TCOF1: variants seen among roughly 807,000 people sequenced by gnomAD.
The protein encoded by TCOF1 is treacle protein.
A neutral mutation model predicts 149.0 loss-of-function variants in TCOF1; 33 were observed. The observed-to-expected ratio is 0.22, with a 90% CI of 0.17 to 0.30. TCOF1 has a LOEUF of 0.30. TCOF1 is among the 10% of genes least tolerant of loss of function. The pLI, the probability that TCOF1 is intolerant of heterozygous loss-of-function variation, is 1.00. For synonymous variants in TCOF1, 789 were observed against 738.8 expected, an observed-to-expected ratio of 1.07 and a Z score of -1.10; for missense variants, 1,728 against 1,840.7, an observed-to-expected ratio of 0.94 and a Z score of 1.12.
intron 17 of TCOF1, among the ~76,000 whole-genome samples, chr5:150,381,302 C>A (rs1001252468): frequency 2.0e-5 from 3 of 152,222 alleles, no homozygotes; most frequent in Non-Finnish European, 4.4e-5. Flanking sequence ...CTTTGATACA[C>A]CAAACCAACA....
rs982949567 is a variant in TCOF1 at position 150,384,799 on chromosome 5, C to T, written c.2860-3103C>T. On this transcript the variant is annotated intron_variant, in intron 17 of 26. Transcript: ENST00000643257. Reference sequence around the variant, plus strand: ...GATTGAGAGATTTTTAGTTCCTAATCCCCAGCTCACTAATTATGATTATTT... The same window carrying T: ...GATTGAGAGATTTTTAGTTCCTAATTCCCAGCTCACTAATTATGATTATTT... 1.8e-5 allele frequency: 18 copies of T among 985,482 alleles called. No homozygotes were observed. In the African/African-American group the frequency reaches 3.0e-4, roughly 16 times the overall value. The allele number at this position is 985,482 out of a possible 1,614,324, so 61.0% of individuals were successfully genotyped here. A position where few individuals can be genotyped will look rare whatever the true frequency, so the allele number is the denominator to read the frequency against.
intron 17 of TCOF1, among the ~76,000 whole-genome samples, chr5:150,382,558 T>C (rs556705567): frequency 2.0e-5 from 3 of 152,276 alleles, no homozygotes; most frequent in African/African-American, 7.2e-5. Context: ...CACCAGCATT[T>C]CCACCCAGAT....
At chr5:150,394,597 G>A (rs919097878) in intron 23 of TCOF1, 4 of 152,206 alleles carry the variant, frequency 2.6e-5, no homozygotes, top group Non-Finnish European at 4.4e-5. Context: ...CCCCAGCCTT[G>A]GTGTTCTGGG....
intron 7 of TCOF1, among the ~76,000 whole-genome samples, chr5:150,373,613 A>T (rs956466071): frequency 6.6e-6 from 1 of 152,052 alleles, no homozygotes; most frequent in African/African-American, 2.4e-5. Context: ...CAGGTGTGCA[A>T]ACCTTGCCCC....
chr5:150,392,587 G>C, intron 21 of TCOF1, 118 bp from the exon 22 acceptor site: 1 of 925,492 alleles, frequency 1.1e-6, no homozygotes. Context: ...GTGGTGAGGC[G>C]GGGCAGGGGA....
chr5:150,376,273 CAGTGAGGAATCAGAT>C lies in TCOF1; in HGVS notation c.2095_2109del (p.Ser699_Glu703del). The C allele has an allele frequency of 5.6e-6, 9 of 1,614,184 alleles. No individual in the cohort carries two copies. The highest frequency in any genetic ancestry group is 3.3e-4 in the Middle Eastern group (2 of 6,062). On this transcript the variant is annotated inframe_deletion, in exon 13 of 27. Coordinates refer to ENST00000643257, the MANE Select transcript of TCOF1 (RefSeq NM_001371623.1). ...AGAGACCAGCAGAGGATTCTTCAAGCAGTGAGGAATCAGATAGTGAGGAAGAGAAGACAGGTCTTG... is the reference window on the plus strand; with the variant it reads ...AGAGACCAGCAGAGGATTCTTCAAGCAGTGAGGAAGAGAAGACAGGTCTTG...
In TCOF1 at chr5:150,398,961, G is replaced by A. The variant is rs1769191808; in HGVS notation, c.4444-61G>A. 3.1e-6 allele frequency: 5 copies of A among 1,612,506 alleles called. No individual in the cohort carries two copies. In the South Asian group the frequency reaches 4.4e-5, roughly 14 times the overall value. ...AATTCACTAGTCCTCAGGAGGTGGG[G>A]GCAGCAGTGGGTGGGGAAAAGCTGC... On this transcript the variant is annotated intron_variant, in intron 25 of 26. Coordinates refer to ENST00000643257, the MANE Select transcript of TCOF1 (RefSeq NM_001371623.1).
At chr5:150,393,789 A>G in intron 23 of TCOF1, 3 of 547,850 alleles carry the variant, frequency 5.5e-6, no homozygotes, top group Non-Finnish European at 9.7e-6. Context: ...CGAGGTGGGC[A>G]GATTGCTCAA....
In TCOF1 at chr5:150,392,519, C is replaced by T; in HGVS notation, c.3518-186C>T. On this transcript the variant is annotated intron_variant, in intron 21 of 26. Coordinates refer to ENST00000643257, the MANE Select transcript of TCOF1 (RefSeq NM_001371623.1). The stretch of plus-strand genomic sequence containing the variant: ...AGGCTTTGGCATTCAAATGTCGCAC[C>T]TAGCATGCTGTGACTAGCGATAAGT... 3 of 642,680 alleles carry T rather than the reference C, an allele frequency of 4.7e-6. 1 individual carries two copies. In the South Asian group the frequency reaches 5.4e-5, roughly 12 times the overall value. 39.8% of individuals were successfully genotyped at this position (642,680 alleles called of 1,614,324 possible).
intron 18 of TCOF1, 115 bp from the exon 19 acceptor site, chr5:150,389,772 G>A: frequency 6.3e-7 from 1 of 1,579,190 alleles, no homozygotes; most frequent in Non-Finnish European, 8.6e-7. Context: ...ACCTCTGTAA[G>A]CCCTGAGCAC....
At chr5:150,393,338 T>C in intron 22 of TCOF1, 34 bp from the exon 23 acceptor site, 1 of 1,612,710 alleles carries the variant, frequency 6.2e-7, no homozygotes, top group Non-Finnish European at 8.5e-7. Context: ...TGGGGTGGGG[T>C]GGTGGCAGCC....
chr5:150,372,146 C>T lies in TCOF1; in HGVS notation c.780C>T (p.Ala260=). 6.2e-7 allele frequency: 1 copy of T among 1,614,186 alleles called. No individual in the cohort carries two copies. The highest frequency in any genetic ancestry group is 8.5e-7 in the Non-Finnish European group (1 of 1,180,034). The change falls in exon 7 of 27, where the codon GCC becomes GCT. Residue 260 remains alanine (A), a synonymous_variant. Coordinates refer to ENST00000643257, the MANE Select transcript of TCOF1 (RefSeq NM_001371623.1). ...TCAAAGGAGGGGCCCTGCCCCCAGC[C>T]AAGAGGGCCAAGAAGCCAGAAGAGG... The part of the protein sequence containing the change: ...PQVKGGALPP[A]KRAKKPEEES...
At chr5:150,381,771 A>G (rs1478121203) in intron 17 of TCOF1, among the ~76,000 whole-genome samples, 3 of 152,246 alleles carry the variant, frequency 2.0e-5, no homozygotes, top group Non-Finnish European at 4.4e-5. Flanking sequence ...ACTGTCTTAA[A>G]GTGCACAAAG....
At chr5:150,388,866 A>G (rs1382996121) in intron 18 of TCOF1, among the ~76,000 whole-genome samples, 1 of 152,180 alleles carries the variant, frequency 6.6e-6, no homozygotes, top group African/African-American at 2.4e-5. Flanking sequence ...AGGAGGCAGA[A>G]GTTGCAGTGA....
rs531140615 is a variant in TCOF1, at chr5:150,392,855, G to C, written c.3603+65G>C. ...GGGTGGAGCCCCAGGCCAGGCTCCTGTCTACCCGATCCCTCAGGTCAGGGG... is the reference window on the plus strand; with the variant it reads ...GGGTGGAGCCCCAGGCCAGGCTCCTCTCTACCCGATCCCTCAGGTCAGGGG... On this transcript the variant is annotated intron_variant, in intron 22 of 26. Transcript: ENST00000643257. 7 of 1,566,422 alleles carry C rather than the reference G, an allele frequency of 4.5e-6. No individual in the cohort carries two copies. The African/African-American group carries it at 9.5e-5, about 21-fold the overall frequency.
intron 1 of TCOF1, among the ~76,000 whole-genome samples, chr5:150,360,372 A>G (rs1276179558): frequency 2.6e-5 from 4 of 152,104 alleles, no homozygotes; most frequent in African/African-American, 9.7e-5. Context: ...CCACCAAGGG[A>G]CTGGTACCAT....
At position 150,392,314 on chromosome 5, in the gene TCOF1, A is replaced by G. The variant is rs1767607951; in HGVS notation, c.3517+138A>G. ...GCTGAGCCTGGGCCTCAGTTTCCCC[A>G]CCTGTACAACTTCATGAGGAAGTCA... On this transcript the variant is annotated intron_variant, in intron 21 of 26. Coordinates refer to ENST00000643257, the MANE Select transcript of TCOF1 (RefSeq NM_001371623.1). 3.4e-5 allele frequency: 28 copies of G among 811,748 alleles called. 1 individual carries two copies. The South Asian group carries it at 4.9e-4, about 14-fold the overall frequency. The allele number at this position is 811,748 out of a possible 1,614,324, so 50.3% of individuals were successfully genotyped here. A position where few individuals can be genotyped will look rare whatever the true frequency, so the allele number is the denominator to read the frequency against.
chr5:150,379,286 T>C lies in TCOF1; in HGVS notation c.2536T>C (p.Ser846Pro). The C allele has an allele frequency of 6.2e-7, 1 of 1,614,162 alleles. No homozygotes were observed. Among genetic ancestry groups the C allele is most frequent in the South Asian group, 1.1e-5 (1 of 91,082 alleles). Residue 846 changes from serine to proline, a missense_variant, in exon 16 of 27, where the codon TCT becomes CCT. By Grantham distance (74) the Ser-to-Pro change is moderately conservative. Coordinates refer to ENST00000643257, the MANE Select transcript of TCOF1 (RefSeq NM_001371623.1). Reference protein sequence around the residue: ...NSTVLARGPASVPSVGKAVAT... With the variant: ...NSTVLARGPAPVPSVGKAVAT... ...TACCGTCTTGGCGAGGGGCCCAGCATCTGTGCCATCTGTGGGGAAGGCCGT... is the reference window on the plus strand; with the variant it reads ...TACCGTCTTGGCGAGGGGCCCAGCACCTGTGCCATCTGTGGGGAAGGCCGT...
chr5:150,363,909 A>C (rs1760719300), intron 2 of TCOF1, among the ~76,000 whole-genome samples: 1 of 152,222 alleles, frequency 6.6e-6, no homozygotes, highest in Non-Finnish European at 1.5e-5. Flanking sequence ...TATTTTAAAG[A>C]CTAATCAAGA....
Sources: gnomAD v4.1 joint callset for allele counts (sites outside exome capture counted in the v4.1 genomes callset) on GRCh38, gnomAD v4.1.1 for gene constraint, MANE v1.5 for transcripts, NCBI Gene and HGNC (gene_info 2026-07-23, HGNC 2026-07-21) for gene names.